PLEKHG1: variants seen among roughly 807,000 people sequenced by gnomAD.
The protein encoded by PLEKHG1 is pleckstrin homology domain-containing family G member 1.
Under a neutral mutation model 100.8 loss-of-function variants are expected in PLEKHG1, and 44 were observed. That is an observed-to-expected ratio of 0.44 (90% CI 0.34 to 0.56). The LOEUF is 0.56. Ranked by LOEUF, PLEKHG1 falls within the 20% of genes least tolerant of loss-of-function variation. The probability of loss-of-function intolerance (pLI) is 0.01; values close to 1 mark genes in which losing one functional copy is unlikely to be tolerated. For missense variants in PLEKHG1, 1,545 were observed against 1,720.9 expected (o/e 0.90, Z 1.81); for synonymous variants, 640 against 662.5 (o/e 0.97, Z 0.52).
intron 2 of PLEKHG1, among the ~76,000 whole-genome samples, chr6:150,751,325 T>C (rs1280988409): frequency 6.6e-6 from 1 of 152,162 alleles, no homozygotes; most frequent in African/African-American, 2.4e-5. Flanking sequence ...TGGAGTTAAT[T>C]TAATGGACAG....
At chr6:150,779,344 G>GTTTGTTTGTTTTTTTTTT (rs1257363893) in intron 3 of PLEKHG1, among the ~76,000 whole-genome samples, 9 of 104,536 alleles carry the variant, frequency 8.6e-5, no homozygotes, top group African/African-American at 3.9e-4. Flanking sequence ...TTGTCAAGAA[G>GTTTGTTTGTTTTTTTTTT]TTTTTTTTTT....
intron 4 of PLEKHG1, among the ~76,000 whole-genome samples, chr6:150,793,761 A>T (rs1786136782): frequency 6.6e-6 from 1 of 152,198 alleles, no homozygotes; most frequent in South Asian, 2.1e-4. Flanking sequence ...CTACTAAACC[A>T]GTACGAGTAT....
At chr6:150,684,916 T>A (rs1780067810) in intron 3 of PLEKHG1, among the ~76,000 whole-genome samples, 1 of 152,170 alleles carries the variant, frequency 6.6e-6, no homozygotes, top group Non-Finnish European at 1.5e-5. Context: ...GCTTTCAGCA[T>A]CGCTGCGTTT....
Position 150,805,525 on chromosome 6 carries a change from G to A in PLEKHG1, c.912+784G>A, listed in dbSNP as rs374683343. Among the ~76,000 whole-genome samples, 8 of 151,628 alleles carry A rather than the reference G, an allele frequency of 5.3e-5. No individual in the cohort carries two copies. In the East Asian group the frequency reaches 1.2e-3, roughly 22 times the overall value. ...ACCTGACCCTCCAGCATGTCATTTCGGTTTCCTTTTTTTTTTTTGGAGACG... is the reference window on the plus strand; with the variant it reads ...ACCTGACCCTCCAGCATGTCATTTCAGTTTCCTTTTTTTTTTTTGGAGACG... On this transcript the variant is annotated intron_variant, in intron 7 of 15. Transcript: ENST00000358517.
At chr6:150,770,695 T>G (rs1163142237) in intron 3 of PLEKHG1, among the ~76,000 whole-genome samples, 1 of 152,230 alleles carries the variant, frequency 6.6e-6, no homozygotes, top group African/African-American at 2.4e-5. Flanking sequence ...AGTCTACATG[T>G]TCATTAGTAA....
chr6:150,797,543 C>T (rs911481519), intron 5 of PLEKHG1, among the ~76,000 whole-genome samples: 2 of 149,902 alleles, frequency 1.3e-5, no homozygotes, highest in Non-Finnish European at 3.0e-5. Context: ...CTCTTAAAGA[C>T]CCAAGAAGCG....
chr6:150,680,992 T>G (rs1040121393), intron 3 of PLEKHG1, among the ~76,000 whole-genome samples: 1 of 152,232 alleles, frequency 6.6e-6, no homozygotes, highest in African/African-American at 2.4e-5. Flanking sequence ...CTAGGCATAA[T>G]GCTCATATAG....
intron 14 of PLEKHG1, among the ~76,000 whole-genome samples, chr6:150,826,207 C>T (rs1276817252): frequency 2.6e-5 from 4 of 151,952 alleles, no homozygotes; most frequent in African/African-American, 9.7e-5. Flanking sequence ...CCTGTAATCC[C>T]GGCACTTTGG....
chr6:150,617,905 A>G (rs1777136740), intron 1 of PLEKHG1, among the ~76,000 whole-genome samples: 1 of 152,182 alleles, frequency 6.6e-6, no homozygotes, highest in South Asian at 2.1e-4. Context: ...ACACAGGAGC[A>G]CTGGAAAGCT....
At chr6:150,789,804 C>T (rs1376223791) in intron 4 of PLEKHG1, among the ~76,000 whole-genome samples, 1 of 152,096 alleles carries the variant, frequency 6.6e-6, no homozygotes, top group Admixed American at 6.5e-5. Context: ...TTAACTTGCT[C>T]ACAGACCTTG....
upstream of PLEKHG1, among the ~76,000 whole-genome samples, chr6:150,719,295 C>CA (rs5880896): frequency 7.8e-4 from 115 of 147,758 alleles, 2 homozygotes; most frequent in Middle Eastern, 3.4e-3. Flanking sequence ...TGGCAAAAAG[C>CA]AAAAAAAAAA....
chr6:150,697,925 GTTT>G (rs67973235), intron 3 of PLEKHG1, among the ~76,000 whole-genome samples: 24 of 148,792 alleles, frequency 1.6e-4, no homozygotes, highest in South Asian at 2.2e-4. Flanking sequence ...TGGCAGTGGT[GTTT>G]TTTTTTTTTT....
intron 3 of PLEKHG1, among the ~76,000 whole-genome samples, chr6:150,658,428 T>C (rs1226708804): frequency 6.6e-6 from 1 of 152,248 alleles, no homozygotes; most frequent in Non-Finnish European, 1.5e-5. Context: ...TGTAACTTCA[T>C]ATACATTCTT....
intron 2 of PLEKHG1, among the ~76,000 whole-genome samples, chr6:150,756,096 C>T (rs972888242): frequency 1.3e-5 from 2 of 152,158 alleles, no homozygotes; most frequent in Non-Finnish European, 2.9e-5. Flanking sequence ...CCCCACATCA[C>T]CTTTTTCACC....
At chr6:150,729,872 T>C (rs978116859) in intron 1 of PLEKHG1, among the ~76,000 whole-genome samples, 3 of 151,564 alleles carry the variant, frequency 2.0e-5, no homozygotes, top group Admixed American at 2.0e-4. Context: ...CATGAAGGGG[T>C]CCCTATTGAT....
chr6:150,633,601 C>T lies in PLEKHG1; in HGVS notation c.-203-4479C>T, dbSNP rs187410456. Reference sequence around the variant, plus strand: ...CAGATAAAGATGCAGGGGCCTCTGACGATGGGGGCCTTAGTCATCTCAGAG... The same window carrying T: ...CAGATAAAGATGCAGGGGCCTCTGATGATGGGGGCCTTAGTCATCTCAGAG... On this transcript the variant is annotated intron_variant, in intron 1 of 3. Coordinates refer to the PLEKHG1 transcript ENST00000367326. Among the ~76,000 whole-genome samples, 48 of 152,198 alleles carry T rather than the reference C, an allele frequency of 3.2e-4. 1 individual carries two copies. The highest frequency in any genetic ancestry group is 2.9e-3 in the Admixed American group (45 of 15,288).
At chr6:150,757,627 C>T (rs924987841) in intron 2 of PLEKHG1, among the ~76,000 whole-genome samples, 1 of 152,138 alleles carries the variant, frequency 6.6e-6, no homozygotes, top group Admixed American at 6.5e-5. Context: ...CTTACACACA[C>T]TCCTGTGTGA....
Position 150,832,219 on chromosome 6 carries a change from G to C in PLEKHG1, c.3094+14G>C, listed in dbSNP as rs114132087. 1 of 1,544,828 alleles carries C rather than the reference G, an allele frequency of 6.5e-7. No individual in the cohort carries two copies. The highest frequency in any genetic ancestry group is 1.4e-5 in the African/African-American group (1 of 72,316). On this transcript the variant is annotated intron_variant, in intron 15 of 15. Transcript: ENST00000358517. The stretch of plus-strand genomic sequence containing the variant: ...GGCCCGCCATTGGTATGTGCACCCT[G>C]CCCTTCTTCCTTCTCCAAAGTAAGA...
At chr6:150,603,742 C>T (rs561819997) in intron 1 of PLEKHG1, among the ~76,000 whole-genome samples, 25 of 106,624 alleles carry the variant, frequency 2.3e-4, no homozygotes, top group African/African-American at 7.5e-4. Flanking sequence ...AAAATTTCCA[C>T]ATCTAAACAT....
Sources: gnomAD v4.1 joint callset for allele counts (sites outside exome capture counted in the v4.1 genomes callset) on GRCh38, gnomAD v4.1.1 for gene constraint, MANE v1.5 for transcripts, NCBI Gene and HGNC (gene_info 2026-07-23, HGNC 2026-07-21) for gene names.